Variants in CAMSAP1 observed in about 807,000 individuals in gnomAD.
CAMSAP1 encodes calmodulin-regulated spectrin-associated protein 1.
In CAMSAP1, 58 loss-of-function variants were observed where a neutral mutation model predicts 143.5. The ratio of observed to expected loss-of-function variants is 0.40; its 90% CI spans 0.33 to 0.50. The LOEUF (loss-of-function observed/expected upper bound fraction) is 0.50, where lower values mean the gene tolerates loss of function less well. Ranked by LOEUF, CAMSAP1 falls within the 20% of genes least tolerant of loss-of-function variation. CAMSAP1 has a pLI of 0.45. For synonymous variants in CAMSAP1, 945 were observed against 859.3 expected (o/e 1.10, Z -1.74); for missense variants, 1,969 against 2,115.7 (o/e 0.93, Z 1.36).
chr9:135,832,464 T>A (rs1835888568), intron 7 of CAMSAP1, among the ~76,000 whole-genome samples: 1 of 152,212 alleles, frequency 6.6e-6, no homozygotes, highest in African/African-American at 2.4e-5. Flanking sequence ...AGTACCATAA[T>A]TAGTGGGGGA....
At position 135,891,136 on chromosome 9, in the gene CAMSAP1, G is replaced by C. The variant is rs1282997964; in HGVS notation, c.161-8058C>G. ...GAGAAACCCTGTCTTTCTCTGGCTAGAGGACGAGGAAAAGGGGCCCCTACA... is the reference window on the plus strand; with the variant it reads ...GAGAAACCCTGTCTTTCTCTGGCTACAGGACGAGGAAAAGGGGCCCCTACA... On this transcript the variant is annotated intron_variant, in intron 1 of 16. Transcript: ENST00000389532. Among the ~76,000 whole-genome samples the C allele has an allele frequency of 2.0e-5, 3 of 152,150 alleles. No homozygotes were observed. In the South Asian group the frequency reaches 6.2e-4, roughly 32 times the overall value.
rs1008372634 is a variant in CAMSAP1 at position 135,811,032 on chromosome 9, T to C, written c.*277A>G. ...GAACACCCTCCGCTGGGAGCCTCAG[T>C]GGTCAGCAGTGGCCACAGCAGTGCG... On this transcript the variant is annotated 3_prime_UTR_variant, in exon 17 of 17. Coordinates refer to ENST00000389532, the MANE Select transcript of CAMSAP1 (RefSeq NM_015447.4). This position sits in a 1 kb window ranked among gnomAD's most constrained non-coding sequence, Gnocchi z 4.9. 4.5e-6 allele frequency: 2 copies of C among 444,098 alleles called. No homozygotes were observed. The highest frequency in any genetic ancestry group is 4.1e-5 in the East Asian group (1 of 24,150). 27.5% of individuals were successfully genotyped at this position (444,098 alleles called of 1,614,324 possible).
rs188488569 is a variant in CAMSAP1, at chr9:135,813,462, A to C, written c.4506+1635T>G. ...TATAATACTGATTTCAACCCTACTC[A>C]CTGTGTTTAAATATGAACAGAATTA... On this transcript the variant is annotated intron_variant, in intron 16 of 16. Transcript: ENST00000389532. Among the ~76,000 whole-genome samples the C allele has an allele frequency of 9.8e-5, 15 of 152,348 alleles. No homozygotes were observed. In the South Asian group the frequency reaches 1.9e-3, roughly 19 times the overall value.
At chr9:135,814,686 T>C (rs942625009) in intron 16 of CAMSAP1, among the ~76,000 whole-genome samples, 1 of 151,850 alleles carries the variant, frequency 6.6e-6, no homozygotes, top group African/African-American at 2.4e-5. Context: ...GCTCCAGCCC[T>C]GGCCCCTGTT....
intron 7 of CAMSAP1, among the ~76,000 whole-genome samples, chr9:135,848,029 A>T (rs1014759573): frequency 8.2e-6 from 1 of 122,276 alleles, no homozygotes; most frequent in African/African-American, 3.1e-5. Flanking sequence ...TGAAGGCATC[A>T]AACAAGGAAA....
At chr9:135,876,189 GCAA>G (rs937261348) in intron 3 of CAMSAP1, among the ~76,000 whole-genome samples, 2 of 152,154 alleles carry the variant, frequency 1.3e-5, no homozygotes, top group Non-Finnish European at 2.9e-5. Flanking sequence ...CTGACCTCAG[GCAA>G]TCTGCCCACC....
chr9:135,850,510 C>CGA (rs199548741), intron 5 of CAMSAP1, 49 bp from the exon 6 acceptor site: 33 of 1,440,426 alleles, frequency 2.3e-5, no homozygotes, highest in East Asian at 2.1e-4. Flanking sequence ...TATTCTGCTT[C>CGA]GAGAGAGAGA....
rs1186635377 is a variant in CAMSAP1 at position 135,821,645 on chromosome 9, G to T, written c.3016C>A (p.Leu1006Ile). 6.2e-7 allele frequency: 1 copy of T among 1,613,898 alleles called. No individual in the cohort carries two copies. The highest frequency in any genetic ancestry group is 8.5e-7 in the Non-Finnish European group (1 of 1,179,902). ...ACCTCCCCAACAGTGTCCTCCAGGA[G>T]GGCAGCGGAGATCACCTTATTTCTC... ...LERNKVISAALLEDTVGEVVD... is the reference protein window; with the variant it reads ...LERNKVISAAILEDTVGEVVD... Residue 1006 changes from leucine (L) to isoleucine (I), a missense_variant, in exon 11 of 17, where the codon CTC becomes ATC. Transcript: ENST00000389532. This position sits in a 1 kb window ranked among gnomAD's most constrained non-coding sequence, Gnocchi z 4.6.
At chr9:135,892,679 C>T (rs1253797342) in intron 1 of CAMSAP1, among the ~76,000 whole-genome samples, 1 of 151,540 alleles carries the variant, frequency 6.6e-6, no homozygotes, top group South Asian at 2.1e-4. Flanking sequence ...GGTGAAACCC[C>T]GTCTCTACTA....
chr9:135,866,420 T>A (rs1465276169), intron 4 of CAMSAP1, 36 bp downstream of exon 4: 10 of 997,198 alleles, frequency 1.0e-5, no homozygotes, highest in Admixed American at 4.0e-5. Flanking sequence ...CAACATTAAC[T>A]TAGTGCATTC....
In CAMSAP1 at chr9:135,818,489, A is replaced by T; in HGVS notation, c.4087T>A (p.Ser1363Thr). Residue 1363 changes from serine (S) to threonine (T), a missense_variant, in exon 13 of 17, where the codon TCA (serine) becomes ACA (threonine). By Grantham distance (58) the Ser-to-Thr change is moderately conservative. Coordinates refer to ENST00000389532, the MANE Select transcript of CAMSAP1 (RefSeq NM_015447.4). The surrounding 1 kb of genome is among the most constrained non-coding windows in gnomAD (Gnocchi z 7.7). ...TTCGGCCGCGGCTTCTTCGGCTTTG[A>T]CTTGGGCTTGCCGAGCCCCTGCTCC... ...LEEQGLGKPK[S>T]KPKKPRPKSV... is the part of the protein sequence containing the mutation. 6.2e-7 allele frequency: 1 copy of T among 1,609,934 alleles called. No homozygotes were observed. Among genetic ancestry groups the T allele is most frequent in the South Asian group, 1.1e-5 (1 of 90,892 alleles).
chr9:135,817,671 T>G, intron 14 of CAMSAP1: 1 of 281,052 alleles, frequency 3.6e-6, no homozygotes, highest in Non-Finnish European at 6.8e-6. Flanking sequence ...AGTCCTGGAA[T>G]CATGGGTGTG....
At chr9:135,884,993 G>C (rs574618710) in intron 1 of CAMSAP1, among the ~76,000 whole-genome samples, 1 of 152,130 alleles carries the variant, frequency 6.6e-6, no homozygotes, top group Admixed American at 6.5e-5. Flanking sequence ...CACCGGCTGC[G>C]GGGAAAGATG....
At chr9:135,874,810 G>A (rs2130964661) in intron 3 of CAMSAP1, among the ~76,000 whole-genome samples, 1 of 152,156 alleles carries the variant, frequency 6.6e-6, no homozygotes, top group East Asian at 1.9e-4. Context: ...AATAAGTTTA[G>A]CAAGGTCACA....
In CAMSAP1 at chr9:135,820,264, G is replaced by A. The variant is rs982098068; in HGVS notation, c.3822+575C>T. On this transcript the variant is annotated intron_variant, in intron 11 of 16. Coordinates refer to ENST00000389532, the MANE Select transcript of CAMSAP1 (RefSeq NM_015447.4). The surrounding 1 kb of genome is among the most constrained non-coding windows in gnomAD (Gnocchi z 4.4). The stretch of plus-strand genomic sequence containing the variant: ...ACATGGTCTTATCATCTTAGGAGAC[G>A]ACGATATATGGTCTTATCATCTTAG... 1.3e-5 allele frequency among the ~76,000 whole-genome samples: 2 copies of A among 152,084 alleles called. No individual in the cohort carries two copies. The highest frequency in any genetic ancestry group is 2.9e-5 in the Non-Finnish European group (2 of 67,974).
chr9:135,847,119 G>A (rs576249221), intron 7 of CAMSAP1, among the ~76,000 whole-genome samples: 22 of 152,028 alleles, frequency 1.4e-4, no homozygotes, highest in African/African-American at 4.6e-4. Flanking sequence ...AGGCTGAGGC[G>A]GGTGGATCAT....
intron 3 of CAMSAP1, among the ~76,000 whole-genome samples, chr9:135,868,338 G>A (rs756978166): frequency 2.6e-5 from 4 of 152,106 alleles, no homozygotes; most frequent in Non-Finnish European, 4.4e-5. Context: ...CAGTGACCTC[G>A]GGACATGCAC....
chr9:135,878,316 G>A (rs1564454414), intron 3 of CAMSAP1, among the ~76,000 whole-genome samples: 1 of 152,166 alleles, frequency 6.6e-6, no homozygotes. Flanking sequence ...GGATGCCACA[G>A]AGGAGGAGAG....
In CAMSAP1 at chr9:135,886,262, G is replaced by A. The variant is rs535824925; in HGVS notation, c.161-3184C>T. ...AGTCACTGTTCTCAGGCTGAGCCTC[G>A]TAAGACAACTGAAAAGTCAACAGGT... On this transcript the variant is annotated intron_variant, in intron 1 of 16. Coordinates refer to ENST00000389532, the MANE Select transcript of CAMSAP1 (RefSeq NM_015447.4). Among the ~76,000 whole-genome samples, 17 of 152,264 alleles carry A rather than the reference G, an allele frequency of 1.1e-4. No individual in the cohort carries two copies. The South Asian group carries it at 3.3e-3, about 30-fold the overall frequency.
Sources: gnomAD v4.1 joint callset for allele counts (sites outside exome capture counted in the v4.1 genomes callset) on GRCh38, gnomAD v4.1.1 for gene constraint, Gnocchi (gnomAD v3.1) non-coding constraint, MANE v1.5 for transcripts, NCBI Gene and HGNC (gene_info 2026-07-23, HGNC 2026-07-21) for gene names.